Variants in KANSL1L observed in about 807,000 individuals in gnomAD.
The protein encoded by KANSL1L is KAT8 regulatory NSL complex subunit 1 like.
A neutral mutation model predicts 108.6 loss-of-function variants in KANSL1L; 25 were observed. The ratio of observed to expected loss-of-function variants is 0.23; its 90% CI spans 0.17 to 0.32. The LOEUF (loss-of-function observed/expected upper bound fraction) is 0.32. Among genes scored for constraint, KANSL1L ranks in the 10% least tolerant of loss-of-function variants. The probability of loss-of-function intolerance (pLI) is 1.00; values close to 1 mark genes in which losing one functional copy is unlikely to be tolerated. For missense variants in KANSL1L, 1,137 were observed against 1,125.7 expected, an observed-to-expected ratio of 1.01 and a Z score of -0.14; for synonymous variants, 405 against 395.1, an observed-to-expected ratio of 1.03 and a Z score of -0.30.
At chr2:210,136,637 A>T (rs1041892282) in intron 2 of KANSL1L, among the ~76,000 whole-genome samples, 17 of 152,174 alleles carry the variant, frequency 1.1e-4, no homozygotes, top group African/African-American at 4.1e-4. Flanking sequence ...GGCCTGGATG[A>T]AGATGCAAGT....
intron 6 of KANSL1L, among the ~76,000 whole-genome samples, chr2:210,054,166 CAA>C (rs1241129511): frequency 6.6e-6 from 1 of 151,368 alleles, no homozygotes; most frequent in Non-Finnish European, 1.5e-5. Flanking sequence ...AAAAAAAATA[CAA>C]AAAATTAGCT....
At chr2:210,151,493 C>T (rs2095303472) in intron 2 of KANSL1L, 1 of 152,084 alleles carries the variant, frequency 6.6e-6, no homozygotes, top group Non-Finnish European at 1.5e-5. Context: ...ACACATGTAC[C>T]TAATAATTCT....
At chr2:210,113,178 C>G (rs574273963) in intron 3 of KANSL1L, among the ~76,000 whole-genome samples, 4 of 152,206 alleles carry the variant, frequency 2.6e-5, no homozygotes, top group African/African-American at 9.6e-5. Flanking sequence ...GGCAGAAGGC[C>G]TTCCTGGGGA....
At chr2:210,114,630 TA>T (rs2094937481) in intron 3 of KANSL1L, among the ~76,000 whole-genome samples, 1 of 152,104 alleles carries the variant, frequency 6.6e-6, no homozygotes, top group African/African-American at 2.4e-5. Context: ...ACTAGTACAT[TA>T]AAAAAATATA....
chr2:210,171,293 C>T lies in KANSL1L; in HGVS notation c.-174G>A, dbSNP rs1272453438. 5.8e-6 allele frequency: 1 copy of T among 171,818 alleles called. No homozygotes were observed. Among genetic ancestry groups the T allele is most frequent in the Non-Finnish European group, 1.1e-5 (1 of 89,006 alleles). The allele number at this position is 171,818 out of a possible 1,614,324, so 10.6% of individuals were successfully genotyped here. On this transcript the variant is annotated 5_prime_UTR_variant, in exon 1 of 15. Transcript: ENST00000281772. ...CTCCAGAGCGCGCCCCGCTCCCGCC[C>T]CGGCCGCCGCCGCCGCCGCCGCCGC... is the stretch of plus-strand genomic sequence containing the variant.
intron 2 of KANSL1L, among the ~76,000 whole-genome samples, chr2:210,134,663 T>G (rs1408928578): frequency 6.6e-6 from 1 of 152,150 alleles, no homozygotes; most frequent in Non-Finnish European, 1.5e-5. Context: ...GAGAGGTGGA[T>G]AGTCTGAGGA....
chr2:210,090,788 C>G (rs1046277616), intron 5 of KANSL1L, among the ~76,000 whole-genome samples: 1 of 152,120 alleles, frequency 6.6e-6, no homozygotes, highest in Non-Finnish European at 1.5e-5. Flanking sequence ...CTGCCTTAGC[C>G]TCCCAAAGTC....
intron 12 of KANSL1L, among the ~76,000 whole-genome samples, chr2:210,025,479 C>T (rs371532315): frequency 7.9e-5 from 12 of 152,254 alleles, no homozygotes; most frequent in African/African-American, 1.2e-4. Flanking sequence ...TGCTTGAACG[C>T]GGGAGGCGGA....
intron 6 of KANSL1L, among the ~76,000 whole-genome samples, chr2:210,054,719 A>G (rs1007858990): frequency 6.6e-6 from 1 of 151,878 alleles, no homozygotes; most frequent in Non-Finnish European, 1.5e-5. Flanking sequence ...TAGCCACAGC[A>G]ATTAGGCAAG....
At chr2:210,072,656 C>T (rs2094515737) in intron 6 of KANSL1L, among the ~76,000 whole-genome samples, 1 of 141,796 alleles carries the variant, frequency 7.1e-6, no homozygotes, top group Non-Finnish European at 1.5e-5. Context: ...GGTTTGAGTT[C>T]CCGTGAGTTC....
intron 5 of KANSL1L, among the ~76,000 whole-genome samples, chr2:210,091,507 A>G (rs921930815): frequency 1.4e-4 from 21 of 152,130 alleles, no homozygotes; most frequent in African/African-American, 4.8e-4. Context: ...ACCACCACTC[A>G]CAGGTCAAGA....
intron 5 of KANSL1L, among the ~76,000 whole-genome samples, chr2:210,080,060 T>C (rs891288650): frequency 6.6e-6 from 1 of 151,570 alleles, no homozygotes; most frequent in African/African-American, 2.4e-5. Flanking sequence ...TTTTCCCCTC[T>C]AGTCCCTTCT....
chr2:210,040,553 T>G (rs1304398066), intron 7 of KANSL1L, 26 bp from the exon 8 acceptor site: 1 of 1,079,820 alleles, frequency 9.3e-7, no homozygotes, highest in Non-Finnish European at 1.3e-6. Flanking sequence ...AAAAAAGGTA[T>G]TTTCAAATAC....
At chr2:210,116,501 C>T (rs2094955273) in intron 3 of KANSL1L, among the ~76,000 whole-genome samples, 1 of 152,130 alleles carries the variant, frequency 6.6e-6, no homozygotes, top group Non-Finnish European at 1.5e-5. Flanking sequence ...CCCAGTGGTC[C>T]TTGTGTCACG....
intron 6 of KANSL1L, among the ~76,000 whole-genome samples, chr2:210,054,486 G>C (rs1346701477): frequency 6.6e-6 from 1 of 152,048 alleles, no homozygotes; most frequent in African/African-American, 2.4e-5. Flanking sequence ...CAATTCTATT[G>C]AGGGCAATTT....
intron 6 of KANSL1L, among the ~76,000 whole-genome samples, chr2:210,072,758 C>T (rs1021040641): frequency 1.3e-5 from 2 of 152,122 alleles, no homozygotes. Context: ...TCTAACATGC[C>T]ACGGACCAGT....
chr2:210,101,275 C>G (rs1332390326), intron 4 of KANSL1L, among the ~76,000 whole-genome samples: 1 of 152,146 alleles, frequency 6.6e-6, no homozygotes, highest in Admixed American at 6.6e-5. Context: ...CTGTCACTGT[C>G]TTTAAATTCA....
intron 1 of KANSL1L, among the ~76,000 whole-genome samples, chr2:210,167,367 G>C (rs1224845232): frequency 6.6e-6 from 1 of 151,952 alleles, no homozygotes; most frequent in Non-Finnish European, 1.5e-5. Flanking sequence ...TCTCTTTGAA[G>C]ACTAAAGGAA....
chr2:210,055,850 G>A (rs991771728), intron 6 of KANSL1L, among the ~76,000 whole-genome samples: 10 of 152,214 alleles, frequency 6.6e-5, no homozygotes, highest in African/African-American at 2.2e-4. Flanking sequence ...TGACAATGCA[G>A]TAGAAAAGAA....
Sources: allele counts gnomAD v4.1 joint callset (sites outside exome capture counted in the v4.1 genomes callset), GRCh38; gene constraint gnomAD v4.1.1; transcripts MANE v1.5; gene names NCBI Gene and HGNC (gene_info 2026-07-23, HGNC 2026-07-21).